FGD5: variants seen among roughly 807,000 people sequenced by gnomAD.
The protein encoded by FGD5 is FYVE, RhoGEF and PH domain-containing protein 5.
In FGD5, 28 loss-of-function variants were observed where a neutral mutation model predicts 133.4. That is an observed-to-expected ratio of 0.21 (90% CI 0.16 to 0.29). The LOEUF (loss-of-function observed/expected upper bound fraction) is 0.29, where lower values mean the gene tolerates loss of function less well. FGD5 is among the 10% of genes least tolerant of loss of function. FGD5 has a pLI of 1.00. For missense variants in FGD5, 1,858 were observed against 1,895.2 expected, an observed-to-expected ratio of 0.98 and a Z score of 0.36; for synonymous variants, 810 against 776.5, an observed-to-expected ratio of 1.04 and a Z score of -0.72.
At chr3:14,920,195 C>T (rs2038647843) in intron 13 of FGD5, among the ~76,000 whole-genome samples, 1 of 152,062 alleles carries the variant, frequency 6.6e-6, no homozygotes, top group South Asian at 2.1e-4. Flanking sequence ...TGGCAGGGGT[C>T]AGCAAGGCTT....
At chr3:14,811,594 C>G (rs1355368796) in intron 1 of FGD5, among the ~76,000 whole-genome samples, 2 of 152,132 alleles carry the variant, frequency 1.3e-5, no homozygotes, top group African/African-American at 4.8e-5. Context: ...CGCGTTCCTG[C>G]TCTATGAATT....
chr3:14,842,544 C>T (rs2036943838), intron 1 of FGD5, among the ~76,000 whole-genome samples: 1 of 152,196 alleles, frequency 6.6e-6, no homozygotes, highest in Non-Finnish European at 1.5e-5. Context: ...TGCATTGTAC[C>T]CTGATGTCCC....
intron 1 of FGD5, among the ~76,000 whole-genome samples, chr3:14,856,105 A>T (rs1165726936): frequency 1.3e-5 from 2 of 152,038 alleles, no homozygotes; most frequent in Non-Finnish European, 2.9e-5. Context: ...ATGGATATTC[A>T]GTTTTCCCAG....
At chr3:14,880,906 C>A in intron 4 of FGD5, 134 bp downstream of exon 4, 1 of 1,171,502 alleles carries the variant, frequency 8.5e-7, no homozygotes, top group Non-Finnish European at 1.2e-6. Flanking sequence ...CACTCACCGA[C>A]GCTTTTCAGG....
intron 9 of FGD5, among the ~76,000 whole-genome samples, chr3:14,906,391 G>T (rs981445048): frequency 6.6e-6 from 1 of 152,228 alleles, no homozygotes; most frequent in Non-Finnish European, 1.5e-5. Context: ...GGGTCCAAGG[G>T]GTTATCGCCC....
chr3:14,896,107 A>G lies in FGD5; in HGVS notation c.2749-1402A>G, dbSNP rs546206890. Among the ~76,000 whole-genome samples, 29 of 152,366 alleles carry G rather than the reference A, an allele frequency of 1.9e-4. No homozygotes were observed. The South Asian group carries it at 5.2e-3, about 27-fold the overall frequency. ...GTGAAAGATCTGTACAAGGAAAACC[A>G]TAAAACACTGATGAAAGAAATTGAA... On this transcript the variant is annotated intron_variant, in intron 4 of 19. Coordinates refer to ENST00000285046, the MANE Select transcript of FGD5 (RefSeq NM_152536.4).
At chr3:14,904,595 C>G (rs1282735097) in intron 9 of FGD5, among the ~76,000 whole-genome samples, 1 of 151,926 alleles carries the variant, frequency 6.6e-6, no homozygotes, top group Non-Finnish European at 1.5e-5. Flanking sequence ...ATTTCCTGCC[C>G]CAGTCTTAGA....
intron 1 of FGD5, among the ~76,000 whole-genome samples, chr3:14,859,676 C>A (rs1256397970): frequency 2.6e-5 from 4 of 152,274 alleles, no homozygotes; most frequent in Middle Eastern, 3.4e-3. Flanking sequence ...CTGCAGTCAC[C>A]CTGCTGTGCA....
At chr3:14,859,313 T>A (rs2037349741) in intron 1 of FGD5, among the ~76,000 whole-genome samples, 1 of 152,136 alleles carries the variant, frequency 6.6e-6, no homozygotes, top group South Asian at 2.1e-4. Context: ...TCCCGGCACT[T>A]TGGGAGGCTG....
chr3:14,822,366 A>G (rs2036521303), intron 1 of FGD5, among the ~76,000 whole-genome samples: 1 of 152,190 alleles, frequency 6.6e-6, no homozygotes, highest in African/African-American at 2.4e-5. Flanking sequence ...GCACCTTTTT[A>G]TTGAGTAAAT....
At position 14,865,954 on chromosome 3, in the gene FGD5, A is replaced by G. The variant is rs578247359; in HGVS notation, c.2658+1694A>G. ...TTCTGGGCATCCCTGAGGTCATGGA[A>G]TCTGGGAGCAGAAAGAGATAGTTGC... On this transcript the variant is annotated intron_variant, in intron 2 of 19. Transcript: ENST00000285046. Among the ~76,000 whole-genome samples the G allele has an allele frequency of 3.3e-5, 5 of 152,306 alleles. No homozygotes were observed. The East Asian group carries it at 9.7e-4, about 29-fold the overall frequency.
chr3:14,866,036 G>A (rs773673573), intron 2 of FGD5, among the ~76,000 whole-genome samples: 5 of 152,140 alleles, frequency 3.3e-5, no homozygotes, highest in African/African-American at 9.7e-5. Flanking sequence ...CCGCGAGAAC[G>A]TCGGAGGGCT....
At chr3:14,908,836 C>T (rs576744452) in intron 10 of FGD5, among the ~76,000 whole-genome samples, 19 of 151,534 alleles carry the variant, frequency 1.3e-4, no homozygotes, top group East Asian at 7.8e-4. Context: ...GCCGAGATCG[C>T]GCCATTGCAC....
chr3:14,921,869 G>A (rs1268297963), intron 13 of FGD5, 49 bp from the exon 14 acceptor site: 4 of 1,508,122 alleles, frequency 2.7e-6, no homozygotes, highest in Non-Finnish European at 3.6e-6. Flanking sequence ...GATGGAGGGT[G>A]GGAGGCAGAG....
rs2038714497 is a variant in FGD5, at chr3:14,922,922, G to A, written c.3808-124G>A. 2.2e-6 allele frequency: 3 copies of A among 1,374,742 alleles called. No individual in the cohort carries two copies. Among genetic ancestry groups the A allele is most frequent in the Non-Finnish European group, 3.0e-6 (3 of 988,990 alleles). 85.2% of individuals were successfully genotyped at this position (1,374,742 alleles called of 1,614,324 possible). Reference sequence around the variant, plus strand: ...AAGTAGGGGACACGCACAGCTCCATGATCAGAACCTGGGGCTCCCTAGGGG... The same window carrying A: ...AAGTAGGGGACACGCACAGCTCCATAATCAGAACCTGGGGCTCCCTAGGGG... On this transcript the variant is annotated intron_variant, in intron 15 of 19. Transcript: ENST00000285046. The surrounding 1 kb of genome is among the most constrained non-coding windows in gnomAD (Gnocchi z 4.1).
intron 8 of FGD5, 103 bp from the exon 9 acceptor site, chr3:14,900,900 G>A (rs1283501117): frequency 2.3e-6 from 3 of 1,288,766 alleles, no homozygotes; most frequent in East Asian, 4.6e-5. Flanking sequence ...CACCTAGGCA[G>A]TAGTGGCCAA....
Position 14,900,444 on chromosome 3 carries a change from A to G in FGD5, c.3196A>G (p.Asn1066Asp). The change falls in exon 8 of 20, where the codon AAC (asparagine) becomes GAC (aspartate). Residue 1066 changes from asparagine (N) to aspartate (D), a missense_variant. Coordinates refer to ENST00000285046, the MANE Select transcript of FGD5 (RefSeq NM_152536.4). ...TTGTCCGGACTCCGCCGAGTACGAC[A>G]ACACACAGGGTGAGTCCAGCGTGAA... ...NLCPDSAEYD[N>D]TQGALSLISK... is the part of the protein sequence containing the mutation. 6.2e-7 allele frequency: 1 copy of G among 1,613,550 alleles called. No homozygotes were observed. Among genetic ancestry groups the G allele is most frequent in the African/African-American group, 1.3e-5 (1 of 75,044 alleles).
intron 18 of FGD5, chr3:14,930,634 C>CT (rs1211681108): frequency 5.3e-5 from 8 of 152,064 alleles, no homozygotes; most frequent in Admixed American, 3.3e-4. Flanking sequence ...CATTCTAGGC[C>CT]TTTTATGTTT....
intron 1 of FGD5, among the ~76,000 whole-genome samples, chr3:14,830,071 G>A (rs2036677698): frequency 1.3e-5 from 2 of 152,164 alleles, no homozygotes; most frequent in Middle Eastern, 3.2e-3. Context: ...CGCGTGGCTG[G>A]ATTTTTGGCA....
Sources: allele counts gnomAD v4.1 joint callset (sites outside exome capture counted in the v4.1 genomes callset), GRCh38; gene constraint gnomAD v4.1.1; non-coding constraint Gnocchi (gnomAD v3.1); transcripts MANE v1.5; gene names NCBI Gene and HGNC (gene_info 2026-07-23, HGNC 2026-07-21).